The following LAMC2 variants were observed in gnomAD, a reference collection of about 807,000 sequenced individuals.
LAMC2 encodes laminin subunit gamma-2.
LAMC2 carries 97 observed loss-of-function variants against 140.2 expected under a neutral mutation model. The ratio of observed to expected loss-of-function variants is 0.69; its 90% CI spans 0.59 to 0.82. LAMC2 has a LOEUF of 0.82. LAMC2 is among the 40% of genes least tolerant of loss of function. The probability of loss-of-function intolerance (pLI) is 0.00; values close to 1 mark genes in which losing one functional copy is unlikely to be tolerated. For missense variants in LAMC2, 1,402 were observed against 1,476.1 expected (o/e 0.95, Z 0.82); for synonymous variants, 513 against 540.2 (o/e 0.95, Z 0.70).
At chr1:183,250,732 A>G in the LAMC2 span, 10 of 152,528 alleles carry the variant, frequency 6.6e-5, no homozygotes, top group Non-Finnish European at 1.3e-4. Flanking sequence ...CCAAAATAGG[A>G]TTTTCCTTCC....
chr1:183,231,478 C>T (rs891504745), intron 12 of LAMC2, among the ~76,000 whole-genome samples: 11 of 152,108 alleles, frequency 7.2e-5, no homozygotes, highest in Non-Finnish European at 1.6e-4. Context: ...ACCCATGTCC[C>T]CTAACTTAGT....
chr1:183,235,068 C>G (rs541708648), intron 15 of LAMC2, among the ~76,000 whole-genome samples: 1 of 152,088 alleles, frequency 6.6e-6, no homozygotes, highest in Admixed American at 6.6e-5. Context: ...GCCTCCTGAG[C>G]TCGTTTTTAA....
intron 22 of LAMC2, chr1:183,241,245 CAAA>C (rs11318188): frequency 0.067 from 52,697 of 784,464 alleles, 2,438 homozygotes; most frequent in African/African-American, 0.35. Flanking sequence ...AAGACTGTCT[CAAA>C]AAAAAAAAAA....
In LAMC2 at chr1:183,244,281, A is replaced by G. The variant is rs886593443; in HGVS notation, c.*881A>G. 2 of 152,182 alleles carry G rather than the reference A, an allele frequency of 1.3e-5. No homozygotes were observed. The highest frequency in any genetic ancestry group is 2.4e-5 in the African/African-American group (1 of 41,442). 9.4% of individuals were successfully genotyped at this position (152,182 alleles called of 1,614,324 possible). A position where few individuals can be genotyped will look rare whatever the true frequency, so the allele number is the denominator to read the frequency against. ...CGAACACCAAAAATGATGCGCATCA[A>G]TGTATTTTATCTTATTTTCTCAATC... On this transcript the variant is annotated 3_prime_UTR_variant, in exon 23 of 23. Coordinates refer to ENST00000264144, the MANE Select transcript of LAMC2 (RefSeq NM_005562.3).
At chr1:183,239,749 C>A in intron 20 of LAMC2, 186 bp downstream of exon 20, 1 of 651,518 alleles carries the variant, frequency 1.5e-6, no homozygotes, top group Non-Finnish European at 2.7e-6. Flanking sequence ...GTTTTTTTGT[C>A]CTCCGGGTTT....
chr1:183,241,073 C>A (rs1462787885), intron 22 of LAMC2: 1 of 155,450 alleles, frequency 6.4e-6, no homozygotes, highest in Admixed American at 6.5e-5. Flanking sequence ...CATGGTGAAA[C>A]CCTGTCTCTA....
chr1:183,256,182 C>G, the LAMC2 span, among the ~76,000 whole-genome samples: 1 of 151,840 alleles, frequency 6.6e-6, no homozygotes, highest in Non-Finnish European at 1.5e-5. Context: ...CTGAGGCAGG[C>G]AGATCACGAG....
intron 11 of LAMC2, among the ~76,000 whole-genome samples, chr1:183,230,329 A>G (rs746886314): frequency 5.9e-5 from 9 of 152,240 alleles, no homozygotes; most frequent in Non-Finnish European, 1.3e-4. Context: ...TAGATACGTA[A>G]TCAGCGTTTT....
chr1:183,226,580 A>G (rs1017745730), intron 8 of LAMC2, 118 bp from the exon 9 acceptor site: 1 of 877,440 alleles, frequency 1.1e-6, no homozygotes, highest in Non-Finnish European at 1.9e-6. Flanking sequence ...ATGGCATGAT[A>G]TATGAACACC....
At chr1:183,231,168 G>C (rs1339915458) in intron 12 of LAMC2, 65 bp downstream of exon 12, 3 of 1,591,954 alleles carry the variant, frequency 1.9e-6, no homozygotes, top group Non-Finnish European at 2.6e-6. Context: ...TCCACTGGGT[G>C]GTTCTGTCAC....
Position 183,227,656 on chromosome 1 carries a change from C to T in LAMC2, c.1427C>T (p.Thr476Met), listed in dbSNP as rs150148262. Reference protein sequence around the residue: ...NGFSCSVMPETEEVVCNNCPP... With the variant: ...NGFSCSVMPEMEEVVCNNCPP... ...TTCAGCTGCTCAGTGATGCCGGAGA[C>T]GGAGGAGGTGGTGTGCAATAACTGC... The change falls in exon 10 of 23, where the codon ACG becomes ATG. Residue 476 changes from threonine to methionine, a missense_variant. Coordinates refer to ENST00000264144, the MANE Select transcript of LAMC2 (RefSeq NM_005562.3). 2.2e-5 allele frequency: 35 copies of T among 1,614,076 alleles called. No individual in the cohort carries two copies. Among genetic ancestry groups the T allele is most frequent in the African/African-American group, 2.0e-4 (15 of 74,936 alleles).
rs1181576380 is a variant in LAMC2, at chr1:183,218,384, C to T, written c.405-6C>T. On this transcript the variant is annotated splice_region_variant and splice_polypyrimidine_tract_variant and intron_variant, in intron 3 of 22. Transcript: ENST00000264144. Reference sequence around the variant, plus strand: ...TGTCCCTAATTTTCTTTTTCTTCTTCCCCAGAGACTCCAAGTGTGACTGTG... The same window carrying T: ...TGTCCCTAATTTTCTTTTTCTTCTTTCCCAGAGACTCCAAGTGTGACTGTG... 3.1e-6 allele frequency: 5 copies of T among 1,612,150 alleles called. No individual in the cohort carries two copies. Among genetic ancestry groups the T allele is most frequent in the East Asian group, 4.5e-5 (2 of 44,876 alleles).
intron 8 of LAMC2, among the ~76,000 whole-genome samples, chr1:183,226,460 T>A (rs1659628838): frequency 6.6e-6 from 1 of 152,172 alleles, no homozygotes; most frequent in Non-Finnish European, 1.5e-5. Flanking sequence ...GCTAAGTGAC[T>A]TGCCCAATTT....
intron 3 of LAMC2, among the ~76,000 whole-genome samples, chr1:183,218,121 T>G (rs185914526): frequency 1.1e-4 from 16 of 152,342 alleles, no homozygotes; most frequent in Admixed American, 6.5e-5. Flanking sequence ...TGGTTTACAT[T>G]CTGGCACAAA....
chr1:183,239,624 G>A (rs774381148), intron 20 of LAMC2, 61 bp downstream of exon 20: 8 of 1,435,626 alleles, frequency 5.6e-6, no homozygotes, highest in Non-Finnish European at 7.7e-6. Flanking sequence ...GTGGTGTGGA[G>A]GGAAAAAGAA....
intron 3 of LAMC2, among the ~76,000 whole-genome samples, chr1:183,215,900 C>T (rs1483459213): frequency 6.6e-6 from 1 of 152,194 alleles, no homozygotes; most frequent in South Asian, 2.1e-4. Flanking sequence ...GCAATTGCTT[C>T]CCTCTAGATG....
At chr1:183,221,300 C>T (rs142321354) in intron 5 of LAMC2, among the ~76,000 whole-genome samples, 135 of 152,270 alleles carry the variant, frequency 8.9e-4, no homozygotes, top group Admixed American at 1.4e-3. Context: ...CTGGAATTCA[C>T]GTTCACTAAT....
chr1:183,208,596 G>C (rs1658974393), intron 2 of LAMC2, among the ~76,000 whole-genome samples: 1 of 152,178 alleles, frequency 6.6e-6, no homozygotes, highest in Non-Finnish European at 1.5e-5. Context: ...TCTTTCATTA[G>C]GTTGCTAAAA....
At chr1:183,222,884 C>T (rs1003974982) in intron 6 of LAMC2, among the ~76,000 whole-genome samples, 5 of 152,200 alleles carry the variant, frequency 3.3e-5, no homozygotes, top group Admixed American at 2.6e-4. Flanking sequence ...ATAAGGGCCA[C>T]ATCATGAATC....
Sources: gnomAD v4.1 joint callset for allele counts (sites outside exome capture counted in the v4.1 genomes callset) on GRCh38, gnomAD v4.1.1 for gene constraint, MANE v1.5 for transcripts, NCBI Gene and HGNC (gene_info 2026-07-23, HGNC 2026-07-21) for gene names.